SLC24A2: variants seen among roughly 807,000 people sequenced by gnomAD.
SLC24A2 encodes solute carrier family 24 member 2.
SLC24A2 carries 36 observed loss-of-function variants against 62.0 expected under a neutral mutation model. The observed-to-expected ratio is 0.58, with a 90% CI of 0.44 to 0.77. The LOEUF (loss-of-function observed/expected upper bound fraction) is 0.77, where lower values mean the gene tolerates loss of function less well. Ranked by LOEUF, SLC24A2 falls within the 30% of genes least tolerant of loss-of-function variation. The probability of loss-of-function intolerance (pLI) is 0.00; values close to 1 mark genes in which losing one functional copy is unlikely to be tolerated. For synonymous variants in SLC24A2, 358 were observed against 294.0 expected (o/e 1.22, Z -2.23); for missense variants, 846 against 817.9 (o/e 1.03, Z -0.42).
chr9:19,821,989 G>C, the SLC24A2 span, among the ~76,000 whole-genome samples: 2 of 152,098 alleles, frequency 1.3e-5, no homozygotes, highest in East Asian at 3.9e-4. Flanking sequence ...CTGGGGACTT[G>C]ATATAGTGTG....
the SLC24A2 span, among the ~76,000 whole-genome samples, chr9:20,198,689 C>T: frequency 6.6e-6 from 1 of 151,874 alleles, no homozygotes; most frequent in Admixed American, 6.6e-5. Flanking sequence ...CTCTCTCCAC[C>T]CCCACCCCCT....
At chr9:19,678,627 G>T (rs1049865520) in intron 2 of SLC24A2, among the ~76,000 whole-genome samples, 2 of 152,158 alleles carry the variant, frequency 1.3e-5, no homozygotes, top group African/African-American at 4.8e-5. Context: ...GACATCTGAA[G>T]ATCTCCCTAT....
At chr9:19,590,595 G>A (rs528285467) in intron 5 of SLC24A2, among the ~76,000 whole-genome samples, 11 of 152,054 alleles carry the variant, frequency 7.2e-5, no homozygotes, top group East Asian at 1.9e-4. Context: ...CCTGAAGATC[G>A]TAGAACCTAG....
chr9:19,976,436 C>T, the SLC24A2 span, among the ~76,000 whole-genome samples: 5 of 152,292 alleles, frequency 3.3e-5, no homozygotes, highest in Middle Eastern at 0.01. Context: ...CTTCCTGCTT[C>T]ACTCTCTCTC....
the SLC24A2 span, among the ~76,000 whole-genome samples, chr9:19,833,111 C>A: frequency 2.6e-5 from 4 of 152,050 alleles, no homozygotes; most frequent in Non-Finnish European, 5.9e-5. Context: ...CCAAGATGGC[C>A]GAATAGGAAC....
At chr9:20,206,925 G>T in the SLC24A2 span, among the ~76,000 whole-genome samples, 1 of 148,862 alleles carries the variant, frequency 6.7e-6, no homozygotes, top group Middle Eastern at 3.5e-3. Context: ...AATGAATAAA[G>T]AAGTCCTAAG....
the SLC24A2 span, among the ~76,000 whole-genome samples, chr9:19,842,570 A>G: frequency 6.6e-6 from 1 of 152,228 alleles, no homozygotes; most frequent in South Asian, 2.1e-4. Context: ...TCTCACTCAC[A>G]GAAATTCTGC....
the SLC24A2 span, among the ~76,000 whole-genome samples, chr9:20,228,181 G>T: frequency 6.6e-6 from 1 of 152,054 alleles, no homozygotes; most frequent in Non-Finnish European, 1.5e-5. Context: ...TTTTGTCACA[G>T]GATTTGAGAA....
chr9:19,983,125 T>C, the SLC24A2 span, among the ~76,000 whole-genome samples: 10 of 152,294 alleles, frequency 6.6e-5, no homozygotes, highest in Admixed American at 5.2e-4. Flanking sequence ...ACTTTTACCA[T>C]TGCTATTCAA....
intron 2 of SLC24A2, among the ~76,000 whole-genome samples, chr9:19,648,231 C>T (rs923616156): frequency 2.0e-5 from 3 of 152,054 alleles, no homozygotes; most frequent in African/African-American, 4.8e-5. Context: ...GTTCAAAGGC[C>T]GTCCAATTAA....
intron 2 of SLC24A2, among the ~76,000 whole-genome samples, chr9:19,667,494 C>T (rs994526611): frequency 6.6e-6 from 1 of 152,146 alleles, no homozygotes; most frequent in Non-Finnish European, 1.5e-5. Context: ...TCCTTCTTTC[C>T]ACCCCTATGT....
chr9:20,028,615 A>G, the SLC24A2 span, among the ~76,000 whole-genome samples: 1 of 152,058 alleles, frequency 6.6e-6, no homozygotes, highest in Non-Finnish European at 1.5e-5. Flanking sequence ...TTCCATAGAA[A>G]CGTGCCATTC....
chr9:19,683,247 G>T (rs1564034977), intron 2 of SLC24A2, among the ~76,000 whole-genome samples: 1 of 152,152 alleles, frequency 6.6e-6, no homozygotes, highest in Non-Finnish European at 1.5e-5. Context: ...CAGTTTAGTG[G>T]GACAGAAGGA....
At chr9:19,820,706 G>A in the SLC24A2 span, among the ~76,000 whole-genome samples, 3 of 151,890 alleles carry the variant, frequency 2.0e-5, no homozygotes, top group Admixed American at 2.0e-4. Flanking sequence ...GTATTTGTGT[G>A]TATGTACATG....
At chr9:20,104,216 C>T in the SLC24A2 span, among the ~76,000 whole-genome samples, 3 of 152,298 alleles carry the variant, frequency 2.0e-5, no homozygotes, top group Admixed American at 6.5e-5. Flanking sequence ...ACCAAATCTA[C>T]ATCTGATTGG....
chr9:19,570,777 C>G (rs987047783), intron 7 of SLC24A2, among the ~76,000 whole-genome samples: 5 of 152,212 alleles, frequency 3.3e-5, no homozygotes, highest in Non-Finnish European at 7.3e-5. Flanking sequence ...CTCAGGGAAG[C>G]TAGGTAACTT....
chr9:19,555,361 A>T (rs576166819), intron 7 of SLC24A2, among the ~76,000 whole-genome samples: 2 of 152,288 alleles, frequency 1.3e-5, no homozygotes, highest in South Asian at 4.2e-4. Context: ...GAGTCATGTA[A>T]TCGATAAGAT....
the SLC24A2 span, among the ~76,000 whole-genome samples, chr9:20,057,994 T>TAAAC: frequency 9.2e-5 from 14 of 152,090 alleles, no homozygotes; most frequent in African/African-American, 2.4e-4. Flanking sequence ...CTTTCTTTGG[T>TAAAC]AAACAAACAA....
At chr9:19,978,695 T>C in the SLC24A2 span, among the ~76,000 whole-genome samples, 2,239 of 152,286 alleles carry the variant, frequency 0.015, 52 homozygotes, top group African/African-American at 0.05. Flanking sequence ...CATATCTAAT[T>C]CTTAGGGGTA....
Sources: allele counts gnomAD v4.1 joint callset (sites outside exome capture counted in the v4.1 genomes callset), GRCh38; gene constraint gnomAD v4.1.1; transcripts MANE v1.5; gene names NCBI Gene and HGNC (gene_info 2026-07-23, HGNC 2026-07-21).